Variants in NCKAP1 observed in about 807,000 individuals in gnomAD.
NCKAP1 encodes nck-associated protein 1.
NCKAP1 carries 21 observed loss-of-function variants against 151.2 expected under a neutral mutation model. The ratio of observed to expected loss-of-function variants is 0.14; its 90% confidence interval spans 0.10 to 0.20. The LOEUF (loss-of-function observed/expected upper bound fraction) is 0.20, where lower values mean the gene tolerates loss of function less well. Ranked by LOEUF, NCKAP1 falls within the 10% of genes least tolerant of loss-of-function variation. NCKAP1 has a pLI of 1.00. For synonymous variants in NCKAP1, 484 were observed against 451.8 expected, an observed-to-expected ratio of 1.07 and a Z score of -0.90; for missense variants, 933 against 1,352.1, an observed-to-expected ratio of 0.69 and a Z score of 4.86.
intron 2 of NCKAP1, among the ~76,000 whole-genome samples, chr2:183,009,065 TA>T (rs1698536277): frequency 6.6e-6 from 1 of 152,054 alleles, no homozygotes; most frequent in African/African-American, 2.4e-5. Context: ...GAAACTGTAG[TA>T]AATATATTTT....
chr2:182,940,956 C>T (rs1696983667), intron 24 of NCKAP1, among the ~76,000 whole-genome samples: 1 of 152,086 alleles, frequency 6.6e-6, no homozygotes, highest in Non-Finnish European at 1.5e-5. Context: ...ATAAGTTTTA[C>T]AGGATAAAAT....
In NCKAP1 at chr2:182,932,353, A is replaced by C. The variant is rs560793823; in HGVS notation, c.2860-1565T>G. On this transcript the variant is annotated intron_variant, in intron 26 of 30. Coordinates refer to ENST00000361354, the MANE Select transcript of NCKAP1 (RefSeq NM_013436.5). ...ATCCTGAAAATATGCCAAGTGAAAG[A>C]AGCCAGTATCAGAAGACTACACATG... is the stretch of plus-strand genomic sequence containing the variant. 2.0e-4 allele frequency among the ~76,000 whole-genome samples: 31 copies of C among 152,292 alleles called. 1 individual carries two copies. The highest frequency in any genetic ancestry group is 7.2e-4 in the African/African-American group (30 of 41,572).
At chr2:182,932,191 T>C (rs1397048749) in intron 26 of NCKAP1, among the ~76,000 whole-genome samples, 2 of 152,204 alleles carry the variant, frequency 1.3e-5, no homozygotes, top group South Asian at 2.1e-4. Context: ...GTAGCAGTGT[T>C]TCTAATAGCT....
chr2:182,935,250 G>A (rs368069723), intron 25 of NCKAP1, 43 bp downstream of exon 25: 14 of 1,252,268 alleles, frequency 1.1e-5, no homozygotes, highest in African/African-American at 9.3e-5. Flanking sequence ...AAATTAAAAG[G>A]GATTGTTTGG....
At chr2:182,969,218 T>A (rs760053765) in intron 15 of NCKAP1, among the ~76,000 whole-genome samples, 48 of 152,162 alleles carry the variant, frequency 3.2e-4, no homozygotes, top group Non-Finnish European at 6.2e-4. Context: ...CAAAACAAAG[T>A]TCAACAAATT....
At chr2:182,982,748 C>A in intron 12 of NCKAP1, 73 bp downstream of exon 12, 1 of 930,736 alleles carries the variant, frequency 1.1e-6, no homozygotes, top group Non-Finnish European at 1.6e-6. Flanking sequence ...ATAGGTCTAT[C>A]AGGACATAAC....
chr2:182,972,413 A>G (rs923052265), intron 15 of NCKAP1, among the ~76,000 whole-genome samples: 1 of 152,078 alleles, frequency 6.6e-6, no homozygotes, highest in Non-Finnish European at 1.5e-5. Context: ...TTATCAAAAA[A>G]CAGAAAATAA....
intron 8 of NCKAP1, among the ~76,000 whole-genome samples, chr2:182,990,911 T>G (rs1698156058): frequency 6.6e-6 from 1 of 152,140 alleles, no homozygotes; most frequent in African/African-American, 2.4e-5. Flanking sequence ...ACAAAAATAT[T>G]TTTCATACAA....
At chr2:182,940,448 T>C (rs1429421636) in intron 24 of NCKAP1, among the ~76,000 whole-genome samples, 1 of 152,130 alleles carries the variant, frequency 6.6e-6, no homozygotes, top group Non-Finnish European at 1.5e-5. Flanking sequence ...CTCCATTTTT[T>C]TTTTCTTTGA....
chr2:182,916,169 C>CAAAAAAAAAAAAA lies in NCKAP1; in HGVS notation c.*9520_*9532dup, dbSNP rs760047982. ...ACCTTGCTTCCCCTTCGCCTTCTGTCAAAAAAAAAAAAAAAAAAAAAACAT... is the reference window on the plus strand; with the variant it reads ...ACCTTGCTTCCCCTTCGCCTTCTGTCAAAAAAAAAAAAAAAAAAAAAAAAAAAAAAAAAAACAT... On this transcript the variant is annotated 3_prime_UTR_variant, in exon 31 of 31. Transcript: ENST00000361354. 1.1e-5 allele frequency: 1 copy of CAAAAAAAAAAAAA among 87,908 alleles called. No individual in the cohort carries two copies. The highest frequency in any genetic ancestry group is 2.1e-5 in the Non-Finnish European group (1 of 48,168). The allele number at this position is 87,908 out of a possible 1,614,324, so 5.4% of individuals were successfully genotyped here.
At chr2:182,993,045 AATACAGTC>A (rs1698199569) in intron 8 of NCKAP1, among the ~76,000 whole-genome samples, 1 of 152,228 alleles carries the variant, frequency 6.6e-6, no homozygotes, top group Admixed American at 6.5e-5. Context: ...AAAGTCAACA[AATACAGTC>A]ATCTCTCAAT....
At chr2:182,979,636 C>T (rs928622567) in intron 13 of NCKAP1, among the ~76,000 whole-genome samples, 5 of 151,954 alleles carry the variant, frequency 3.3e-5, no homozygotes, top group Non-Finnish European at 5.9e-5. Context: ...AAAATATTAA[C>T]ACCTATTGCA....
At chr2:182,999,405 C>G (rs762858140) in intron 6 of NCKAP1, among the ~76,000 whole-genome samples, 58 of 149,612 alleles carry the variant, frequency 3.9e-4, no homozygotes, top group Non-Finnish European at 7.5e-4. Context: ...CTCAACATCA[C>G]TAATCATCAG....
chr2:183,026,243 A>G (rs751220752), intron 1 of NCKAP1, among the ~76,000 whole-genome samples: 3 of 152,190 alleles, frequency 2.0e-5, no homozygotes, highest in Non-Finnish European at 4.4e-5. Context: ...AGCCTGGACA[A>G]CATAGCATGA....
intron 1 of NCKAP1, among the ~76,000 whole-genome samples, chr2:183,024,798 A>G (rs1698864999): frequency 6.6e-6 from 1 of 152,184 alleles, no homozygotes; most frequent in African/African-American, 2.4e-5. Flanking sequence ...TTTGAAAAGG[A>G]TGTGTCCTTT....
At chr2:182,932,357 C>T (rs1423319911) in intron 26 of NCKAP1, among the ~76,000 whole-genome samples, 1 of 151,924 alleles carries the variant, frequency 6.6e-6, no homozygotes, top group Non-Finnish European at 1.5e-5. Context: ...TGAAAGAAGC[C>T]AGTATCAGAA....
chr2:182,935,124 A>G lies in NCKAP1; in HGVS notation c.2778+169T>C, dbSNP rs981589209. The G allele has an allele frequency of 1.2e-5, 7 of 605,644 alleles. No homozygotes were observed. In the East Asian group the frequency reaches 1.3e-4, roughly 11 times the overall value. 37.5% of individuals were successfully genotyped at this position (605,644 alleles called of 1,614,324 possible). A position where few individuals can be genotyped will look rare whatever the true frequency, so the allele number is the denominator to read the frequency against. ...CTCTGCAAGCAGCAGTACCAAAACA[A>G]AAAATGAGCTTAAATAACTAATTTT... On this transcript the variant is annotated intron_variant, in intron 25 of 30. Transcript: ENST00000361354.
intron 23 of NCKAP1, among the ~76,000 whole-genome samples, chr2:182,946,642 A>T (rs1697113035): frequency 6.6e-6 from 1 of 152,138 alleles, no homozygotes. Flanking sequence ...AACTATGTAG[A>T]AGTGCTGATT....
At chr2:182,933,602 G>A (rs929895242) in intron 26 of NCKAP1, among the ~76,000 whole-genome samples, 2 of 151,464 alleles carry the variant, frequency 1.3e-5, no homozygotes, top group Non-Finnish European at 2.9e-5. Context: ...CATGTTGGTC[G>A]GGCTGGTCTC....
Sources: gnomAD v4.1 joint callset for allele counts (sites outside exome capture counted in the v4.1 genomes callset) on GRCh38, gnomAD v4.1.1 for gene constraint, MANE v1.5 for transcripts, NCBI Gene and HGNC (gene_info 2026-07-23, HGNC 2026-07-21) for gene names.